Variants in RSPH9 observed in about 807,000 individuals in gnomAD.
RSPH9 encodes radial spoke head protein 9 homolog.
RSPH9 carries 27 observed loss-of-function variants against 27.0 expected under a neutral mutation model. That is an observed-to-expected ratio of 1.00 (90% confidence interval 0.74 to 1.38). The LOEUF is 1.38. Ranked by LOEUF, RSPH9 falls within the 40% of genes most tolerant of loss-of-function variation. RSPH9 has a pLI of 0.00. For synonymous variants in RSPH9, 145 were observed against 147.7 expected, an observed-to-expected ratio of 0.98 and a Z score of 0.13; for missense variants, 347 against 357.4, an observed-to-expected ratio of 0.97 and a Z score of 0.24.
At chr6:43,665,936 C>T (rs1255054266) in intron 4 of RSPH9, among the ~76,000 whole-genome samples, 1 of 152,100 alleles carries the variant, frequency 6.6e-6, no homozygotes, top group Non-Finnish European at 1.5e-5. Context: ...AGTGATCCTC[C>T]TGCCTCAGCC....
chr6:43,655,988 A>ACTTACTTCCTTCCTTC (rs745382908), intron 3 of RSPH9, among the ~76,000 whole-genome samples: 4 of 113,714 alleles, frequency 3.5e-5, no homozygotes, highest in Admixed American at 1.9e-4. Context: ...TCCTCCTTGG[A>ACTTACTTCCTTCCTTC]CTTCCTTCCT....
At chr6:43,659,647 G>T (rs1772405741) in intron 4 of RSPH9, among the ~76,000 whole-genome samples, 1 of 152,130 alleles carries the variant, frequency 6.6e-6, no homozygotes, top group Non-Finnish European at 1.5e-5. Context: ...CTCCCAAAGT[G>T]CTGGGATTAC....
intron 3 of RSPH9, 146 bp downstream of exon 3, chr6:43,655,837 AGTGACCTGGCAC>A: frequency 2.0e-6 from 2 of 977,230 alleles, no homozygotes; most frequent in Non-Finnish European, 3.1e-6. Context: ...GGGTGTGCCC[AGTGACCTGGCAC>A]CAGTGGTCGG....
Position 43,650,504 on chromosome 6 carries a change from G to A in RSPH9, c.357G>A (p.Val119=). The change falls in exon 2 of 5, where the codon GTG becomes GTA. Residue 119 remains valine (V), a synonymous_variant. Coordinates refer to ENST00000372163, the MANE Select transcript of RSPH9 (RefSeq NM_152732.5). ...ATGAACACACTGAGCTGCAGAAGGT[G>A]AATGAAGGTGAAAAAGTCTTTGAAG... is the stretch of plus-strand genomic sequence containing the variant. The part of the protein sequence containing the change: ...YEYEHTELQK[V]NEGEKVFEEE... 3 of 1,614,200 alleles carry A rather than the reference G, an allele frequency of 1.9e-6. No individual in the cohort carries two copies. Among genetic ancestry groups the A allele is most frequent in the Non-Finnish European group, 2.5e-6 (3 of 1,180,046 alleles).
At chr6:43,647,817 T>C (rs1771040123) in intron 1 of RSPH9, among the ~76,000 whole-genome samples, 1 of 152,218 alleles carries the variant, frequency 6.6e-6, no homozygotes, top group Non-Finnish European at 1.5e-5. Context: ...GTGCTAGGCA[T>C]TGATTTAGGC....
intron 4 of RSPH9, among the ~76,000 whole-genome samples, chr6:43,666,024 C>T (rs1773102873): frequency 6.6e-6 from 1 of 152,080 alleles, no homozygotes; most frequent in Non-Finnish European, 1.5e-5. Context: ...TGAGGTTTCA[C>T]CGTGTTGCCC....
chr6:43,671,793 T>C lies in RSPH9; in HGVS notation c.*844T>C. The stretch of plus-strand genomic sequence containing the variant: ...ATACAGCTTCCAAGGTGTTCTTGAG[T>C]AGCAGACATTGTCCCTCAGAAGGGG... On this transcript the variant is annotated 3_prime_UTR_variant, in exon 5 of 5. Transcript: ENST00000372163. 2.5e-6 allele frequency: 4 copies of C among 1,614,172 alleles called. No individual in the cohort carries two copies. Among genetic ancestry groups the C allele is most frequent in the Non-Finnish European group, 2.5e-6 (3 of 1,180,022 alleles).
intron 2 of RSPH9, among the ~76,000 whole-genome samples, chr6:43,654,132 T>C (rs1312551219): frequency 6.6e-6 from 1 of 152,216 alleles, no homozygotes; most frequent in Non-Finnish European, 1.5e-5. Flanking sequence ...TACCTTTCTT[T>C]TGTAAACCAT....
intron 4 of RSPH9, among the ~76,000 whole-genome samples, chr6:43,661,207 G>A (rs1461138498): frequency 1.3e-5 from 2 of 152,194 alleles, no homozygotes; most frequent in Non-Finnish European, 2.9e-5. Flanking sequence ...CACAGGCAGA[G>A]TAGATTTAGC....
At chr6:43,654,685 C>T (rs540782927) in intron 2 of RSPH9, among the ~76,000 whole-genome samples, 1 of 152,142 alleles carries the variant, frequency 6.6e-6, no homozygotes, top group African/African-American at 2.4e-5. Flanking sequence ...TAGCTGGGTG[C>T]AGTGATGCAC....
chr6:43,658,933 C>T (rs536448415), intron 4 of RSPH9, among the ~76,000 whole-genome samples: 15 of 151,996 alleles, frequency 9.9e-5, no homozygotes, highest in African/African-American at 3.1e-4. Context: ...GTGATCTGCC[C>T]GCTTCAGCCT....
intron 4 of RSPH9, among the ~76,000 whole-genome samples, chr6:43,663,091 C>A (rs1168558744): frequency 6.6e-6 from 1 of 152,210 alleles, no homozygotes; most frequent in Non-Finnish European, 1.5e-5. Flanking sequence ...AACCACCATG[C>A]CTGGCTCTAT....
At chr6:43,659,005 C>T (rs1297808662) in intron 4 of RSPH9, among the ~76,000 whole-genome samples, 1 of 152,116 alleles carries the variant, frequency 6.6e-6, no homozygotes, top group Non-Finnish European at 1.5e-5. Flanking sequence ...ATTCTTAATC[C>T]TTTGTTGTTC....
intron 2 of RSPH9, among the ~76,000 whole-genome samples, chr6:43,651,683 G>A (rs1389740132): frequency 6.6e-6 from 1 of 151,752 alleles, no homozygotes; most frequent in Non-Finnish European, 1.5e-5. Flanking sequence ...CGAGTAGCTG[G>A]GATTACAGGT....
intron 2 of RSPH9, among the ~76,000 whole-genome samples, chr6:43,651,490 C>T (rs540458186): frequency 5.7e-4 from 87 of 152,278 alleles, no homozygotes; most frequent in African/African-American, 1.9e-3. Context: ...TTCCTCCCAT[C>T]TCTGTCCACC....
At chr6:43,656,337 C>T (rs542878058) in intron 3 of RSPH9, among the ~76,000 whole-genome samples, 55 of 152,302 alleles carry the variant, frequency 3.6e-4, no homozygotes, top group Non-Finnish European at 5.4e-4. Context: ...CTGCCTGCCT[C>T]GGCTTCCCAA....
At chr6:43,666,625 T>C (rs1246220424) in intron 4 of RSPH9, 3 of 731,526 alleles carry the variant, frequency 4.1e-6, no homozygotes, top group Non-Finnish European at 6.7e-6. Context: ...TGTCATGCCG[T>C]GTCCAGGGAT....
At chr6:43,650,642 C>A in intron 2 of RSPH9, 102 bp downstream of exon 2, 2 of 1,271,564 alleles carry the variant, frequency 1.6e-6, no homozygotes, top group South Asian at 1.2e-5. Flanking sequence ...CACGGTGGCT[C>A]ACGCCTGTAA....
At position 43,656,658 on chromosome 6, in the gene RSPH9, T is replaced by G. The variant is rs763847806; in HGVS notation, c.605T>G (p.Leu202Arg). 3 of 1,614,230 alleles carry G rather than the reference T, an allele frequency of 1.9e-6. No homozygotes were observed. In the East Asian group the frequency reaches 6.7e-5, roughly 36 times the overall value. The change falls in exon 4 of 5, where the codon CTT (leucine) becomes CGT (arginine). Residue 202 changes from leucine to arginine, a missense_variant. Transcript: ENST00000372163. The stretch of plus-strand genomic sequence containing the variant: ...GTTGAGCTAAAGAATAAGACCTTGC[T>G]TGAGAAGGCTGACCTGGACCCCTCC... ...EPVELKNKTL[L>R]EKADLDPSLD...
Sources: gnomAD v4.1 joint callset for allele counts (sites outside exome capture counted in the v4.1 genomes callset) on GRCh38, gnomAD v4.1.1 for gene constraint, MANE v1.5 for transcripts, NCBI Gene and HGNC (gene_info 2026-07-23, HGNC 2026-07-21) for gene names.